TULP4: variants seen among roughly 807,000 people sequenced by gnomAD.
TULP4 encodes the protein TUB like protein 4.
Under a neutral mutation model 129.0 loss-of-function variants are expected in TULP4, and 16 were observed. The ratio of observed to expected loss-of-function variants is 0.12; its 90% CI spans 0.08 to 0.19. TULP4 has a LOEUF of 0.19. Ranked by LOEUF, TULP4 falls within the 10% of genes least tolerant of loss-of-function variation. The pLI is 1.00. For missense variants in TULP4, 1,842 were observed against 2,059.1 expected (o/e 0.89, Z 2.04); for synonymous variants, 998 against 854.0 (o/e 1.17, Z -2.94).
At chr6:158,341,250 G>T (rs1178287576) in intron 1 of TULP4, among the ~76,000 whole-genome samples, 1 of 152,084 alleles carries the variant, frequency 6.6e-6, no homozygotes, top group Non-Finnish European at 1.5e-5. Context: ...CATCCATGTT[G>T]TTGTAAATGA....
At chr6:158,285,463 G>T (rs1778819938) in intron 1 of TULP4, among the ~76,000 whole-genome samples, 3 of 152,106 alleles carry the variant, frequency 2.0e-5, no homozygotes, top group Admixed American at 6.5e-5. Context: ...TCTGTATTCT[G>T]CCCCTTCAGT....
chr6:158,287,875 C>T (rs76300336), intron 1 of TULP4, among the ~76,000 whole-genome samples: 44 of 152,300 alleles, frequency 2.9e-4, no homozygotes, highest in African/African-American at 1.1e-3. Flanking sequence ...CCTTGAATGC[C>T]AGGCTGAGGA....
chr6:158,429,993 C>G, intron 3 of TULP4, 96 bp downstream of exon 3: 1 of 1,167,538 alleles, frequency 8.6e-7, no homozygotes, highest in Non-Finnish European at 1.2e-6. Flanking sequence ...GCAAAAGCCT[C>G]TTTAAGAATC....
At chr6:158,236,855 C>G (rs1450719414) in intron 1 of TULP4, among the ~76,000 whole-genome samples, 3 of 117,316 alleles carry the variant, frequency 2.6e-5, no homozygotes, top group African/African-American at 1.0e-4. Flanking sequence ...GCTCTGTCAC[C>G]CAGGCTGGAG....
intron 11 of TULP4, among the ~76,000 whole-genome samples, chr6:158,495,671 T>C (rs1170965566): frequency 6.6e-6 from 1 of 152,016 alleles, no homozygotes; most frequent in African/African-American, 2.4e-5. Context: ...GGAGAACCTT[T>C]CTCTTCTAAA....
intron 1 of TULP4, among the ~76,000 whole-genome samples, chr6:158,395,657 A>G (rs1025631648): frequency 3.7e-5 from 1 of 27,174 alleles, no homozygotes; most frequent in African/African-American, 1.6e-4. Context: ...GCCCTGAGGT[A>G]AAGTGATGGG....
intron 1 of TULP4, among the ~76,000 whole-genome samples, chr6:158,244,812 C>T (rs1252386983): frequency 2.0e-5 from 3 of 151,724 alleles, no homozygotes; most frequent in East Asian, 3.9e-4. Context: ...GGCAACATAG[C>T]GAGACTTTGT....
At position 158,413,348 on chromosome 6, in the gene TULP4, C is replaced by T. The variant is rs1412639147; in HGVS notation, c.381+155C>T. On this transcript the variant is annotated intron_variant, in intron 2 of 13. Transcript: ENST00000367097. This position sits in a 1 kb window ranked among gnomAD's most constrained non-coding sequence, Gnocchi z 4.9. The stretch of plus-strand genomic sequence containing the variant: ...CAAATTAGAATCCTACTTTTCATTT[C>T]TCTCACATATGTCACTGGATAAAAA... Among the ~76,000 whole-genome samples the T allele has an allele frequency of 6.6e-6, 1 of 152,230 alleles. No homozygotes were observed. The highest frequency in any genetic ancestry group is 6.5e-5 in the Admixed American group (1 of 15,286).
chr6:158,447,487 A>C (rs1240717971), intron 3 of TULP4, among the ~76,000 whole-genome samples: 1 of 152,226 alleles, frequency 6.6e-6, no homozygotes, highest in African/African-American at 2.4e-5. Flanking sequence ...AATTTATTCT[A>C]AAATAACTGA....
At chr6:158,244,301 A>T (rs565178922) in intron 1 of TULP4, among the ~76,000 whole-genome samples, 1 of 152,318 alleles carries the variant, frequency 6.6e-6, no homozygotes, top group South Asian at 2.1e-4. Flanking sequence ...TTTTAAAAGA[A>T]AAAAAACCTA....
At chr6:158,337,245 C>T (rs148677599) in intron 1 of TULP4, among the ~76,000 whole-genome samples, 535 of 142,316 alleles carry the variant, frequency 3.8e-3, no homozygotes, top group Admixed American at 6.8e-3. Context: ...GGTGATTCTT[C>T]CACTTCAGCT....
chr6:158,444,263 TTTTA>T (rs1251391388), intron 3 of TULP4, among the ~76,000 whole-genome samples: 3 of 132,448 alleles, frequency 2.3e-5, no homozygotes, highest in African/African-American at 2.7e-5. Flanking sequence ...TTTTTTTTTT[TTTTA>T]ACTTTTGCCG....
At chr6:158,349,326 G>GGGT (rs1780423510) in intron 1 of TULP4, among the ~76,000 whole-genome samples, 1 of 139,900 alleles carries the variant, frequency 7.1e-6, no homozygotes, top group Non-Finnish European at 1.6e-5. Flanking sequence ...ATCCCAGATG[G>GGGT]GGCGGCCGGG....
At chr6:158,301,723 G>A (rs1779133965) in intron 1 of TULP4, among the ~76,000 whole-genome samples, 1 of 152,182 alleles carries the variant, frequency 6.6e-6, no homozygotes, top group Non-Finnish European at 1.5e-5. Flanking sequence ...TGAGACGGCT[G>A]TACCCTAGAC....
At chr6:158,434,040 T>C (rs1233062303) in intron 3 of TULP4, among the ~76,000 whole-genome samples, 1 of 152,328 alleles carries the variant, frequency 6.6e-6, no homozygotes, top group African/African-American at 2.4e-5. Context: ...TGCCTTCTTA[T>C]TGTGTTCTCA....
At chr6:158,415,564 G>A (rs1371852955) in intron 2 of TULP4, among the ~76,000 whole-genome samples, 3 of 148,576 alleles carry the variant, frequency 2.0e-5, no homozygotes, top group East Asian at 2.0e-4. Context: ...GTTTCACCAC[G>A]TTAGCCAGGA....
In TULP4 at chr6:158,502,367, C is replaced by T. The variant is rs1039643204; in HGVS notation, c.2704C>T (p.Arg902Trp). 15 of 1,613,678 alleles carry T rather than the reference C, an allele frequency of 9.3e-6. No homozygotes were observed. Among genetic ancestry groups the T allele is most frequent in the Middle Eastern group, 1.6e-4 (1 of 6,082 alleles). The change falls in exon 13 of 14, where the codon CGG becomes TGG. Residue 902 changes from arginine to tryptophan, a missense_variant. This residue lies in a region of TULP4 where 1,089 missense variants were observed against 987.1 expected (regional missense o/e 1.10). Transcript: ENST00000367097. ...DSSGNVEEVC[R>W]PRTRMLCSQN... The stretch of plus-strand genomic sequence containing the variant: ...CAGTGGCAACGTGGAGGAGGTGTGC[C>T]GGCCCCGCACCCGGATGCTGTGCTC...
At chr6:158,374,162 CT>C (rs1777132022) in intron 1 of TULP4, among the ~76,000 whole-genome samples, 1 of 152,108 alleles carries the variant, frequency 6.6e-6, no homozygotes, top group Admixed American at 6.5e-5. Context: ...AGTAGTGCCC[CT>C]ATAGCCCCAG....
At chr6:158,352,982 T>C (rs1489777964) in intron 1 of TULP4, among the ~76,000 whole-genome samples, 1 of 152,240 alleles carries the variant, frequency 6.6e-6, no homozygotes, top group African/African-American at 2.4e-5. Context: ...TTAATTTTTC[T>C]GATAAATTTT....
Sources: allele counts gnomAD v4.1 joint callset (sites outside exome capture counted in the v4.1 genomes callset), GRCh38; gene constraint gnomAD v4.1.1; regional missense constraint gnomAD v4.1.1; non-coding constraint Gnocchi (gnomAD v3.1); transcripts MANE v1.5; gene names NCBI Gene and HGNC (gene_info 2026-07-23, HGNC 2026-07-21).